The following TTC29 variants were observed in gnomAD, a reference collection of about 807,000 sequenced individuals.
TTC29 encodes tetratricopeptide repeat protein 29.
A neutral mutation model predicts 58.1 loss-of-function variants in TTC29; 49 were observed. That is an observed-to-expected ratio of 0.84 (90% CI 0.67 to 1.07). TTC29 has a LOEUF of 1.07. TTC29 is among the 50% of genes least tolerant of loss of function. The pLI, the probability that TTC29 is intolerant of heterozygous loss-of-function variation, is 0.00. For synonymous variants in TTC29, 209 were observed against 196.8 expected (o/e 1.06, Z -0.52); for missense variants, 582 against 555.6 (o/e 1.05, Z -0.48).
chr4:146,887,076 G>T (rs967427864), intron 6 of TTC29, among the ~76,000 whole-genome samples: 52 of 152,242 alleles, frequency 3.4e-4, no homozygotes, highest in Admixed American at 2.7e-3. Context: ...TTGATGGGAA[G>T]TTGCTAATCA....
intron 11 of TTC29, among the ~76,000 whole-genome samples, chr4:146,777,818 T>C (rs1389833477): frequency 1.3e-5 from 2 of 152,238 alleles, no homozygotes; most frequent in Admixed American, 6.5e-5. Flanking sequence ...GCTCACTAAC[T>C]GGATATGGTG....
intron 10 of TTC29, among the ~76,000 whole-genome samples, chr4:146,815,041 A>T (rs2150133317): frequency 6.6e-6 from 1 of 152,250 alleles, no homozygotes; most frequent in South Asian, 2.1e-4. Context: ...CAGGGTAGGG[A>T]TTTATGTTTA....
chr4:146,802,112 G>A (rs1750275217), intron 11 of TTC29, among the ~76,000 whole-genome samples: 1 of 149,704 alleles, frequency 6.7e-6, no homozygotes. Flanking sequence ...TTACCATTGT[G>A]ATGATTGGAG....
Position 146,867,592 on chromosome 4 carries a change from AAGATG to A in TTC29, c.800-14_800-10del. 2 of 1,416,206 alleles carry A rather than the reference AAGATG, an allele frequency of 1.4e-6. No individual in the cohort carries two copies. The highest frequency in any genetic ancestry group is 1.9e-6 in the Non-Finnish European group (2 of 1,050,628). 87.7% of individuals were successfully genotyped at this position (1,416,206 alleles called of 1,614,324 possible). A position where few individuals can be genotyped will look rare whatever the true frequency, so the allele number is the denominator to read the frequency against. ...CATCTTTTTGTCACTTCCTGAAGTG[AAGATG>A]TAAAAAAATTACCAAGTATTCAATA... On this transcript the variant is annotated splice_polypyrimidine_tract_variant and intron_variant, in intron 7 of 12. Coordinates refer to ENST00000325106, the MANE Select transcript of TTC29 (RefSeq NM_031956.4).
At chr4:146,768,295 G>A (rs1747476796) in intron 11 of TTC29, among the ~76,000 whole-genome samples, 1 of 151,870 alleles carries the variant, frequency 6.6e-6, no homozygotes. Context: ...CAGTCGATGA[G>A]GAAGGGGACC....
Position 146,867,490 on chromosome 4 carries a change from T to C in TTC29, c.885+8A>G. 1 of 1,411,198 alleles carries C rather than the reference T, an allele frequency of 7.1e-7. No homozygotes were observed. The highest frequency in any genetic ancestry group is 9.4e-7 in the Non-Finnish European group (1 of 1,060,228). The allele number at this position is 1,411,198 out of a possible 1,614,324, so 87.4% of individuals were successfully genotyped here. On this transcript the variant is annotated splice_region_variant and intron_variant, in intron 8 of 12. Coordinates refer to ENST00000325106, the MANE Select transcript of TTC29 (RefSeq NM_031956.4). The stretch of plus-strand genomic sequence containing the variant: ...TTAAAAATGGCAGTGATTAAAAGTT[T>C]AGCTTACTGTTAATGCTGTTTCATA...
chr4:146,841,791 T>C (rs971374075), intron 8 of TTC29, among the ~76,000 whole-genome samples: 1 of 152,056 alleles, frequency 6.6e-6, no homozygotes, highest in Non-Finnish European at 1.5e-5. Context: ...GAAGGTGTTC[T>C]ACTGAGCTGA....
chr4:146,756,336 T>A (rs1449520938), intron 11 of TTC29, among the ~76,000 whole-genome samples: 1 of 152,046 alleles, frequency 6.6e-6, no homozygotes, highest in African/African-American at 2.4e-5. Context: ...TGCTCATGAT[T>A]TAGAAATCCT....
At chr4:146,729,811 T>A (rs56842265) in intron 11 of TTC29, among the ~76,000 whole-genome samples, 3,659 of 151,870 alleles carry the variant, frequency 0.024, 163 homozygotes, top group African/African-American at 0.084. Context: ...TATAAAACCA[T>A]CAGATCTTAT....
intron 11 of TTC29, among the ~76,000 whole-genome samples, chr4:146,754,766 T>C (rs1746308928): frequency 6.6e-6 from 1 of 151,992 alleles, no homozygotes. Flanking sequence ...AGAAGGAAAG[T>C]AGCTCAACAT....
At chr4:146,841,350 A>C (rs1463523585) in intron 8 of TTC29, among the ~76,000 whole-genome samples, 2 of 152,150 alleles carry the variant, frequency 1.3e-5, no homozygotes, top group Admixed American at 6.6e-5. Context: ...GTGCATGCAC[A>C]GCTCAAACTA....
intron 9 of TTC29, among the ~76,000 whole-genome samples, chr4:146,832,913 A>G (rs1013080910): frequency 6.6e-6 from 1 of 152,222 alleles, no homozygotes; most frequent in Non-Finnish European, 1.5e-5. Flanking sequence ...TTATTATATT[A>G]GTAATGGTAC....
chr4:146,868,470 T>C (rs1270689829), intron 7 of TTC29, among the ~76,000 whole-genome samples: 1 of 152,142 alleles, frequency 6.6e-6, no homozygotes, highest in Non-Finnish European at 1.5e-5. Flanking sequence ...ATCCAAACAC[T>C]TTTCTTTACT....
chr4:146,877,917 G>T (rs1731379962), intron 6 of TTC29, among the ~76,000 whole-genome samples: 1 of 152,140 alleles, frequency 6.6e-6, no homozygotes, highest in Non-Finnish European at 1.5e-5. Flanking sequence ...GATCTATATG[G>T]GGGCAGAAAG....
Position 146,717,178 on chromosome 4 carries a change from T to C in TTC29, c.1331-9627A>G, listed in dbSNP as rs79812096. 5.5e-3 allele frequency among the ~76,000 whole-genome samples: 834 copies of C among 152,306 alleles called. 61 individuals are homozygous for C. The East Asian group carries it at 0.13, about 24-fold the overall frequency. On this transcript the variant is annotated intron_variant, in intron 11 of 12. Coordinates refer to ENST00000325106, the MANE Select transcript of TTC29 (RefSeq NM_031956.4). ...TTGTAGCTGCTTGGCTGTTGCTCAGTTGCAACATTTAGATAATAAGTAAAT... is the reference window on the plus strand; with the variant it reads ...TTGTAGCTGCTTGGCTGTTGCTCAGCTGCAACATTTAGATAATAAGTAAAT...
chr4:146,759,389 T>C (rs761297311), intron 11 of TTC29, among the ~76,000 whole-genome samples: 1 of 152,040 alleles, frequency 6.6e-6, no homozygotes, highest in Non-Finnish European at 1.5e-5. Context: ...CTTCTGACAC[T>C]ATTTCACAAG....
intron 10 of TTC29, among the ~76,000 whole-genome samples, chr4:146,815,804 A>G (rs1478350251): frequency 6.6e-6 from 1 of 152,202 alleles, no homozygotes; most frequent in Non-Finnish European, 1.5e-5. Context: ...GAGAGATCTG[A>G]GCTTTTAAAA....
chr4:146,893,285 A>G (rs2150252089), intron 6 of TTC29, among the ~76,000 whole-genome samples: 1 of 152,294 alleles, frequency 6.6e-6, no homozygotes, highest in East Asian at 1.9e-4. Context: ...AAACTATACT[A>G]CAAGGCTACA....
intron 11 of TTC29, among the ~76,000 whole-genome samples, chr4:146,736,087 T>C (rs1744689511): frequency 6.6e-6 from 1 of 152,048 alleles, no homozygotes; most frequent in Non-Finnish European, 1.5e-5. Context: ...TCCTCCAGTT[T>C]GGAGAAATGT....
Sources: allele counts gnomAD v4.1 joint callset (sites outside exome capture counted in the v4.1 genomes callset), GRCh38; gene constraint gnomAD v4.1.1; transcripts MANE v1.5; gene names NCBI Gene and HGNC (gene_info 2026-07-23, HGNC 2026-07-21).